The following SLC27A1 variants were observed in gnomAD, a reference collection of about 807,000 sequenced individuals.
SLC27A1 encodes the protein solute carrier family 27 member 1.
A neutral mutation model predicts 62.2 loss-of-function variants in SLC27A1; 61 were observed. The observed-to-expected ratio is 0.98, with a 90% CI of 0.80 to 1.21. SLC27A1 has a LOEUF of 1.21. SLC27A1 is among the 50% of genes most tolerant of loss of function. SLC27A1 has a pLI of 0.00. For missense variants in SLC27A1, 903 were observed against 932.1 expected, an observed-to-expected ratio of 0.97 and a Z score of 0.41; for synonymous variants, 435 against 408.6, an observed-to-expected ratio of 1.06 and a Z score of -0.78.
At chr19:17,493,438 A>G (rs2075316170) in intron 6 of SLC27A1, among the ~76,000 whole-genome samples, 1 of 151,514 alleles carries the variant, frequency 6.6e-6, no homozygotes, top group Non-Finnish European at 1.5e-5. Context: ...AAAAAAAAAA[A>G]AAAAAAAAAA....
rs149185959 is a variant in SLC27A1 at position 17,493,162 on chromosome 19, G to A, written c.996+4045G>A. ...AAAAATAGAGGACAGGGCCGGGCGC[G>A]GCGGCTCACGCCTGTAATCCCAGCA... is the stretch of plus-strand genomic sequence containing the variant. On this transcript the variant is annotated intron_variant, in intron 6 of 11. Coordinates refer to ENST00000252595, the MANE Select transcript of SLC27A1 (RefSeq NM_198580.3). Among the ~76,000 whole-genome samples, 863 of 149,090 alleles carry A rather than the reference G, an allele frequency of 5.8e-3. 9 individuals are homozygous for A. Among genetic ancestry groups the A allele is most frequent in the African/African-American group, 0.02 (798 of 40,540 alleles).
At chr19:17,472,160 C>T (rs1450252358) in intron 1 of SLC27A1, among the ~76,000 whole-genome samples, 1 of 152,104 alleles carries the variant, frequency 6.6e-6, no homozygotes, top group African/African-American at 2.4e-5. Flanking sequence ...TTTGGGAGGC[C>T]GAGGCAGGCA....
chr19:17,481,020 G>T (rs961654972), intron 1 of SLC27A1, among the ~76,000 whole-genome samples: 4 of 151,800 alleles, frequency 2.6e-5, no homozygotes, highest in African/African-American at 9.7e-5. Flanking sequence ...CTGCCTCCCG[G>T]GTTCAAGCAA....
rs746728876 is a variant in SLC27A1, at chr19:17,486,632, G to A, written c.237G>A (p.Pro79=). 20 of 1,601,728 alleles carry A rather than the reference G, an allele frequency of 1.2e-5. No individual in the cohort carries two copies. Among genetic ancestry groups the A allele is most frequent in the South Asian group, 3.3e-5 (3 of 90,528 alleles). Reference sequence around the variant, plus strand: ...ACCAGCGTGCCGGCCACACCATCCCGCGCATCTTTCAGGCGGTAGTGCAGC... The same window carrying A: ...ACCAGCGTGCCGGCCACACCATCCCACGCATCTTTCAGGCGGTAGTGCAGC... ...RRHQRAGHTI[P]RIFQAVVQRQ... is the part of the protein sequence containing the mutation. The change falls in exon 2 of 12, where the codon CCG becomes CCA. Residue 79 remains proline (P), a synonymous_variant. Coordinates refer to ENST00000252595, the MANE Select transcript of SLC27A1 (RefSeq NM_198580.3). This position sits in a 1 kb window ranked among gnomAD's most constrained non-coding sequence, Gnocchi z 6.6.
rs1397460339 is a variant in SLC27A1, at chr19:17,486,924, A to G, written c.529A>G (p.Lys177Glu). ...LAFCLGTSGA[K>E]ALIFGGEMVA... ...CTTCTGCCTGGGCACCTCGGGCGCTAAGGCCCTGATCTTTGGAGGAGAAAT... is the reference window on the plus strand; with the variant it reads ...CTTCTGCCTGGGCACCTCGGGCGCTGAGGCCCTGATCTTTGGAGGAGAAAT... Residue 177 changes from lysine to glutamate, a missense_variant, in exon 2 of 12, where the codon AAG becomes GAG. Coordinates refer to ENST00000252595, the MANE Select transcript of SLC27A1 (RefSeq NM_198580.3). The surrounding 1 kb of genome is among the most constrained non-coding windows in gnomAD (Gnocchi z 6.6). 6.3e-7 allele frequency: 1 copy of G among 1,591,052 alleles called. No homozygotes were observed. The highest frequency in any genetic ancestry group is 1.3e-5 in the African/African-American group (1 of 74,826).
Position 17,505,606 on chromosome 19 carries a change from C to G in SLC27A1, c.*994C>G. The G allele has an allele frequency of 6.5e-6, 1 of 153,152 alleles. No individual in the cohort carries two copies. The highest frequency in any genetic ancestry group is 2.4e-5 in the African/African-American group (1 of 41,476). The allele number at this position is 153,152 out of a possible 1,614,324, so 9.5% of individuals were successfully genotyped here. A position where few individuals can be genotyped will look rare whatever the true frequency, so the allele number is the denominator to read the frequency against. ...GACTGTGACCACTTGGATGTCACCA[C>G]TGTCAGCCCCTGCCTTGATGTCCCC... On this transcript the variant is annotated 3_prime_UTR_variant, in exon 12 of 12. Coordinates refer to ENST00000252595, the MANE Select transcript of SLC27A1 (RefSeq NM_198580.3).
chr19:17,480,286 C>G (rs2075163208), intron 1 of SLC27A1, among the ~76,000 whole-genome samples: 1 of 151,954 alleles, frequency 6.6e-6, no homozygotes, highest in Admixed American at 6.6e-5. Context: ...CCTCGGCCTC[C>G]CAAAGTGCAC....
intron 7 of SLC27A1, 84 bp downstream of exon 7, chr19:17,497,548 A>G (rs2075363988): frequency 7.8e-7 from 1 of 1,276,196 alleles, no homozygotes; most frequent in Admixed American, 2.0e-5. Flanking sequence ...TGGGATACAT[A>G]AAACAGCCTG....
At chr19:17,498,659 G>C (rs111630577) in intron 7 of SLC27A1, 6 of 237,930 alleles carry the variant, frequency 2.5e-5, no homozygotes, top group South Asian at 1.5e-4. Context: ...AGCTGGGCCC[G>C]GGGGACCACT....
chr19:17,500,550 C>G lies in SLC27A1; in HGVS notation c.1389C>G (p.Phe463Leu). 1 of 1,613,682 alleles carries G rather than the reference C, an allele frequency of 6.2e-7. No homozygotes were observed. The highest frequency in any genetic ancestry group is 2.2e-5 in the East Asian group (1 of 44,866). Residue 463 changes from phenylalanine (F) to leucine (L), a missense_variant, in exon 9 of 12, where the codon TTC becomes TTG. Physicochemically the swap from Phe to Leu is conservative, Grantham distance 22. Coordinates refer to ENST00000252595, the MANE Select transcript of SLC27A1 (RefSeq NM_198580.3). The part of the protein sequence containing the change: ...QINQQDPLRR[F>L]DGYVSESATS... The stretch of plus-strand genomic sequence containing the variant: ...ACCAACAGGACCCGCTGCGCCGCTT[C>G]GATGGCTATGTCAGCGAGAGCGCCA...
chr19:17,501,212 C>A, intron 10 of SLC27A1, 61 bp from the exon 11 acceptor site: 1 of 1,592,514 alleles, frequency 6.3e-7, no homozygotes. Context: ...GACAGTGTAT[C>A]TGGTCCTGCT....
chr19:17,470,462 G>T (rs890300068), upstream of SLC27A1: 1 of 1,400,116 alleles, frequency 7.1e-7, no homozygotes, highest in Middle Eastern at 2.6e-4. Context: ...CTGTAGAGGC[G>T]GGGGCGGTCG....
intron 1 of SLC27A1, among the ~76,000 whole-genome samples, chr19:17,479,962 C>T (rs1358642105): frequency 6.6e-6 from 1 of 151,958 alleles, no homozygotes; most frequent in Non-Finnish European, 1.5e-5. Flanking sequence ...TCTTTGGAAG[C>T]TACAGTGAAT....
At chr19:17,493,172 G>A (rs539925948) in intron 6 of SLC27A1, among the ~76,000 whole-genome samples, 1 of 150,850 alleles carries the variant, frequency 6.6e-6, no homozygotes, top group African/African-American at 2.4e-5. Context: ...GGCGGCTCAC[G>A]CCTGTAATCC....
Position 17,485,191 on chromosome 19 carries a change from C to CTT in SLC27A1, c.168-1355_168-1354dup, listed in dbSNP as rs386388659. 4.6e-3 allele frequency among the ~76,000 whole-genome samples: 488 copies of CTT among 104,952 alleles called. 13 individuals are homozygous for CTT. The highest frequency in any genetic ancestry group is 8.0e-3 in the Admixed American group (79 of 9,880). 68.9% of individuals were successfully genotyped at this position (104,952 alleles called of 152,430 possible). ...TTCCTTTCCATTTCCTTTTTGTTTC[C>CTT]TTTTTTTTTTTTTTTTTTGATGGAG... is the stretch of plus-strand genomic sequence containing the variant. On this transcript the variant is annotated intron_variant, in intron 1 of 11. Transcript: ENST00000252595.
chr19:17,478,396 G>C (rs1252329309), intron 1 of SLC27A1, among the ~76,000 whole-genome samples: 2 of 150,812 alleles, frequency 1.3e-5, no homozygotes, highest in Non-Finnish European at 2.9e-5. Flanking sequence ...GAACCTGGGA[G>C]GCGGAGTCTG....
At chr19:17,470,431 G>T (rs897286868), upstream of SLC27A1, 8 of 1,286,658 alleles carry the variant, frequency 6.2e-6, no homozygotes, top group Admixed American at 2.0e-4. Flanking sequence ...GCGCAGAGCC[G>T]AGGCCTGGGG....
In SLC27A1 at chr19:17,477,240, C is replaced by CTTTTTTTTTTTTTTTTTTTTTTTTTTT. The variant is rs1221324202; in HGVS notation, c.167+6557_167+6558insTTTTTTTTTTTTTTTTTTTTTTTTTTT. ...TTATTGGTTGAATGGATGAGCAGCG[C>CTTTTTTTTTTTTTTTTTTTTTTTTTTT]TTTTTTTTTTTTTTTTTTTTTTTTG... On this transcript the variant is annotated intron_variant, in intron 1 of 11. Transcript: ENST00000252595. Among the ~76,000 whole-genome samples the CTTTTTTTTTTTTTTTTTTTTTTTTTTT allele has an allele frequency of 1.1e-4, 5 of 43,808 alleles. 1 individual carries two copies. Among genetic ancestry groups the CTTTTTTTTTTTTTTTTTTTTTTTTTTT allele is most frequent in the Non-Finnish European group, 2.0e-4 (5 of 24,866 alleles). The allele number at this position is 43,808 out of a possible 152,430, so 28.7% of individuals were successfully genotyped here.
chr19:17,478,608 A>G (rs1380183239), intron 1 of SLC27A1, among the ~76,000 whole-genome samples: 1 of 152,006 alleles, frequency 6.6e-6, no homozygotes, highest in Non-Finnish European at 1.5e-5. Flanking sequence ...CTGTAATCCC[A>G]GCACTTTGGG....
Sources: gnomAD v4.1 joint callset for allele counts (sites outside exome capture counted in the v4.1 genomes callset) on GRCh38, gnomAD v4.1.1 for gene constraint, Gnocchi (gnomAD v3.1) non-coding constraint, MANE v1.5 for transcripts, NCBI Gene and HGNC (gene_info 2026-07-23, HGNC 2026-07-21) for gene names.